ESRRB: variants seen among roughly 807,000 people sequenced by gnomAD.
ESRRB encodes the protein estrogen related receptor beta.
A neutral mutation model predicts 46.0 loss-of-function variants in ESRRB; 16 were observed. The observed-to-expected ratio is 0.35, with a 90% CI of 0.24 to 0.53. ESRRB has a LOEUF of 0.53. Among genes scored for constraint, ESRRB ranks in the 20% least tolerant of loss-of-function variants. ESRRB has a pLI of 0.93. For synonymous variants in ESRRB, 246 were observed against 259.6 expected, an observed-to-expected ratio of 0.95 and a Z score of 0.50; for missense variants, 488 against 607.4, an observed-to-expected ratio of 0.80 and a Z score of 2.07.
chr14:76,419,845 A>G (rs1886865639), intron 1 of ESRRB, among the ~76,000 whole-genome samples: 1 of 152,100 alleles, frequency 6.6e-6, no homozygotes, highest in Non-Finnish European at 1.5e-5. Flanking sequence ...CTTCCAGTTT[A>G]GGCTGGCCTG....
chr14:76,499,765 A>G lies in ESRRB; in HGVS notation c.*1307A>G, dbSNP rs2140066997. ...TTATCCCAGGAAACTCCTCTACCCCAGGCACACGGGGACAGTGGGTCACTC... is the reference window on the plus strand; with the variant it reads ...TTATCCCAGGAAACTCCTCTACCCCGGGCACACGGGGACAGTGGGTCACTC... On this transcript the variant is annotated 3_prime_UTR_variant, in exon 7 of 7. Coordinates refer to ENST00000644823, the MANE Select transcript of ESRRB (RefSeq NM_001379180.1). 1.9e-6 allele frequency: 2 copies of G among 1,047,546 alleles called. No individual in the cohort carries two copies. The highest frequency in any genetic ancestry group is 4.7e-5 in the East Asian group (2 of 42,318). The allele number at this position is 1,047,546 out of a possible 1,614,324, so 64.9% of individuals were successfully genotyped here. A position where few individuals can be genotyped will look rare whatever the true frequency, so the allele number is the denominator to read the frequency against.
intron 1 of ESRRB, among the ~76,000 whole-genome samples, chr14:76,401,235 C>T (rs1317987667): frequency 6.6e-6 from 1 of 152,226 alleles, no homozygotes; most frequent in Non-Finnish European, 1.5e-5. Context: ...GCTGGCTGGT[C>T]TTTACAGCCT....
chr14:76,453,800 T>G (rs551909052), intron 2 of ESRRB, among the ~76,000 whole-genome samples: 30 of 151,998 alleles, frequency 2.0e-4, no homozygotes, highest in Non-Finnish European at 3.8e-4. Context: ...TTGGTAGAGA[T>G]GGGGTTTCAC....
At chr14:76,445,379 G>T (rs141357227) in intron 2 of ESRRB, among the ~76,000 whole-genome samples, 7 of 146,828 alleles carry the variant, frequency 4.8e-5, no homozygotes, top group African/African-American at 1.8e-4. Flanking sequence ...GCTGAGACAG[G>T]AGAATTGCTT....
chr14:76,424,476 G>T (rs1434051222), intron 1 of ESRRB, among the ~76,000 whole-genome samples: 1 of 152,216 alleles, frequency 6.6e-6, no homozygotes, highest in Middle Eastern at 3.2e-3. Flanking sequence ...TGACCAGGGA[G>T]TGGATAGAAG....
At chr14:76,407,852 G>A (rs1319668897) in intron 1 of ESRRB, among the ~76,000 whole-genome samples, 2 of 152,224 alleles carry the variant, frequency 1.3e-5, no homozygotes, top group Admixed American at 1.3e-4. Context: ...CTTCCTGAAA[G>A]CCAGACAGAG....
chr14:76,362,096 G>T (rs1174636196), intron 1 of ESRRB, among the ~76,000 whole-genome samples: 2 of 152,198 alleles, frequency 1.3e-5, no homozygotes, highest in African/African-American at 2.4e-5. Flanking sequence ...TGAGAGACAG[G>T]CTCCCCTTCT....
intron 1 of ESRRB, among the ~76,000 whole-genome samples, chr14:76,363,069 G>A (rs1884482539): frequency 6.6e-6 from 1 of 152,152 alleles, no homozygotes. Context: ...TCCTTTGATG[G>A]TGACAGCAAG....
rs192311256 is a variant in ESRRB at position 76,414,823 on chromosome 14, G to A, written c.51-24518G>A. On this transcript the variant is annotated intron_variant, in intron 1 of 6. Transcript: ENST00000644823. ...GGTGGACTGCCCGTGGCCTGGAGGT[G>A]CAGTGGCTTGTGGTGGCTGTGTGGG... Among the ~76,000 whole-genome samples the A allele has an allele frequency of 3.1e-3, 470 of 152,258 alleles. 1 individual carries two copies. Among genetic ancestry groups the A allele is most frequent in the African/African-American group, 0.01 (434 of 41,544 alleles).
In ESRRB at chr14:76,376,324, C is replaced by CCCGTG; in HGVS notation, c.-75_-71dup. The CCCGTG allele has an allele frequency of 8.9e-7, 1 of 1,117,852 alleles. No individual in the cohort carries two copies. The highest frequency in any genetic ancestry group is 4.5e-5 in the South Asian group (1 of 22,118). The allele number at this position is 1,117,852 out of a possible 1,614,324, so 69.2% of individuals were successfully genotyped here. On this transcript the variant is annotated 5_prime_UTR_variant, in exon 1 of 7. The change creates a premature stop within an existing upstream ORF in the 5' untranslated region. Coordinates refer to ENST00000644823, the MANE Select transcript of ESRRB (RefSeq NM_001379180.1). The surrounding 1 kb of genome is among the most constrained non-coding windows in gnomAD (Gnocchi z 4.1). ...GTGCCCTGCCCGGGCTCGCACCTTGCCCGTGCCCTTCACTCGCTCTTCCGC... is the reference window on the plus strand; with the variant it reads ...GTGCCCTGCCCGGGCTCGCACCTTGCCCGTGCCGTGCCCTTCACTCGCTCTTCCGC...
At chr14:76,333,608 A>G (rs1284168294) in intron 1 of ESRRB, among the ~76,000 whole-genome samples, 1 of 149,802 alleles carries the variant, frequency 6.7e-6, no homozygotes, top group Non-Finnish European at 1.5e-5. Flanking sequence ...GATTACAGGC[A>G]TGAGCCACTG....
chr14:76,332,608 T>G (rs59076721), intron 1 of ESRRB, among the ~76,000 whole-genome samples: 1 of 44,328 alleles, frequency 2.3e-5, no homozygotes, highest in African/African-American at 1.1e-4. Flanking sequence ...TATTATATAT[T>G]TATATATTAT....
chr14:76,497,305 AGT>A (rs1191639027), intron 6 of ESRRB, among the ~76,000 whole-genome samples: 2 of 152,146 alleles, frequency 1.3e-5, no homozygotes, highest in Non-Finnish European at 2.9e-5. Flanking sequence ...CCCCAGCCTG[AGT>A]CCCCACAGGA....
At position 76,462,576 on chromosome 14, in the gene ESRRB, C is replaced by A. The variant is rs370878277; in HGVS notation, c.492C>A (p.Asn164Lys). 4 of 1,613,962 alleles carry A rather than the reference C, an allele frequency of 2.5e-6. No individual in the cohort carries two copies. Among genetic ancestry groups the A allele is most frequent in the Admixed American group, 1.7e-5 (1 of 60,008 alleles). ...GNIEYSCPAT[N>K]ECEITKRRRK... ...TTGAGTACAGCTGCCCGGCCACCAA[C>A]GAGTGCGAGATCACCAAACGGAGGC... The change falls in exon 3 of 7, where the codon AAC becomes AAA. Residue 164 changes from asparagine to lysine, a missense_variant. By Grantham distance (94) the Asn-to-Lys change is moderately conservative (BLOSUM62 0). Coordinates refer to ENST00000644823, the MANE Select transcript of ESRRB (RefSeq NM_001379180.1).
chr14:76,439,426 T>C lies in ESRRB; in HGVS notation c.136T>C (p.Ser46Pro). 1 of 1,613,524 alleles carries C rather than the reference T, an allele frequency of 6.2e-7. No individual in the cohort carries two copies. Among genetic ancestry groups the C allele is most frequent in the African/African-American group, 1.3e-5 (1 of 75,070 alleles). Residue 46 changes from serine (S) to proline (P), a missense_variant, in exon 2 of 7, where the codon TCG (serine) becomes CCG (proline). By Grantham distance (74) the Ser-to-Pro change is moderately conservative. Coordinates refer to ENST00000644823, the MANE Select transcript of ESRRB (RefSeq NM_001379180.1). ...FIKTEPSSPS[S>P]GIDALSHHSP... is the part of the protein sequence containing the mutation. ...CAAGACTGAGCCGTCCAGCCCGTCCTCGGGCATCGATGCCCTCAGCCACCA... is the reference window on the plus strand; with the variant it reads ...CAAGACTGAGCCGTCCAGCCCGTCCCCGGGCATCGATGCCCTCAGCCACCA...
At chr14:76,427,223 A>T (rs1239417795) in intron 1 of ESRRB, among the ~76,000 whole-genome samples, 1 of 152,052 alleles carries the variant, frequency 6.6e-6, no homozygotes, top group Non-Finnish European at 1.5e-5. Context: ...CAAAAATCTA[A>T]TGGGAGAGAC....
Position 76,500,349 on chromosome 14 carries a change from C to T in ESRRB, c.*1891C>T, listed in dbSNP as rs568210967. On this transcript the variant is annotated 3_prime_UTR_variant, in exon 7 of 7. Coordinates refer to ENST00000644823, the MANE Select transcript of ESRRB (RefSeq NM_001379180.1). ...TCACTTGATGAGTAGGCACTGGAGC[C>T]GTTACCCAGGATGCTGCGGCCCTAG... 38 of 584,728 alleles carry T rather than the reference C, an allele frequency of 6.5e-5. No individual in the cohort carries two copies. The highest frequency in any genetic ancestry group is 4.5e-4 in the Middle Eastern group (1 of 2,202). 36.2% of individuals were successfully genotyped at this position (584,728 alleles called of 1,614,324 possible).
intron 2 of ESRRB, among the ~76,000 whole-genome samples, chr14:76,442,795 CTTTTTTCTTTTCTT>C (rs1367467063): frequency 1.4e-5 from 2 of 147,798 alleles, no homozygotes; most frequent in Non-Finnish European, 3.0e-5. Flanking sequence ...TTATAAATTT[CTTTTTTCTTTTCTT>C]TTTTTTCTTT....
chr14:76,487,634 C>T (rs892357712), intron 5 of ESRRB, among the ~76,000 whole-genome samples: 6 of 151,606 alleles, frequency 4.0e-5, no homozygotes, highest in Non-Finnish European at 8.8e-5. Context: ...GCCAGGATCT[C>T]GCTTTGTCAC....
Sources: gnomAD v4.1 joint callset for allele counts (sites outside exome capture counted in the v4.1 genomes callset) on GRCh38, gnomAD v4.1.1 for gene constraint, Gnocchi (gnomAD v3.1) non-coding constraint, MANE v1.5 for transcripts, NCBI Gene and HGNC (gene_info 2026-07-23, HGNC 2026-07-21) for gene names.